The following INTU variants were observed in gnomAD, a reference collection of about 807,000 sequenced individuals.
INTU encodes the protein protein inturned.
A neutral mutation model predicts 100.5 loss-of-function variants in INTU; 68 were observed. The observed-to-expected ratio is 0.68, with a 90% CI of 0.56 to 0.83. INTU has a LOEUF of 0.83. INTU is among the 40% of genes least tolerant of loss of function. INTU has a pLI of 0.00. For missense variants in INTU, 1,071 were observed against 1,114.7 expected, an observed-to-expected ratio of 0.96 and a Z score of 0.56; for synonymous variants, 357 against 395.7, an observed-to-expected ratio of 0.90 and a Z score of 1.16.
In INTU at chr4:127,706,589, A is replaced by G; in HGVS notation, c.1891A>G (p.Thr631Ala). The change falls in exon 12 of 16, where the codon ACT (threonine) becomes GCT (alanine). Residue 631 changes from threonine (T) to alanine (A), a missense_variant. Physicochemically the swap from Thr to Ala is moderately conservative, Grantham distance 58. Coordinates refer to ENST00000335251, the MANE Select transcript of INTU (RefSeq NM_015693.4). ...TGTATATGTGGATCAAGTCAAAACA[A>G]CTCTTCACCAGCTGGATGGAGTAGA... ...DCVYVDQVKTTLHQLDGVDSR... is the reference protein window; with the variant it reads ...DCVYVDQVKTALHQLDGVDSR... 2 of 1,613,834 alleles carry G rather than the reference A, an allele frequency of 1.2e-6. No homozygotes were observed. Among genetic ancestry groups the G allele is most frequent in the Non-Finnish European group, 1.7e-6 (2 of 1,179,940 alleles).
intron 3 of INTU, among the ~76,000 whole-genome samples, chr4:127,659,729 G>T (rs1167603759): frequency 6.6e-6 from 1 of 152,130 alleles, no homozygotes; most frequent in African/African-American, 2.4e-5. Flanking sequence ...CTGGGCCATA[G>T]CTGGCTTTTT....
chr4:127,643,954 T>G lies in INTU; in HGVS notation c.580T>G (p.Trp194Gly), dbSNP rs762071212. 6.2e-7 allele frequency: 1 copy of G among 1,614,148 alleles called. No individual in the cohort carries two copies. The highest frequency in any genetic ancestry group is 1.7e-5 in the Admixed American group (1 of 60,020). Residue 194 changes from tryptophan (W) to glycine (G), a missense_variant, in exon 2 of 16, where the codon TGG becomes GGG. Coordinates refer to ENST00000335251, the MANE Select transcript of INTU (RefSeq NM_015693.4). ...GGTTGGAATTATTCATCAGACCAAGTGGAGCTGGAGAAGAACCGGAAAGCA... is the reference window on the plus strand; with the variant it reads ...GGTTGGAATTATTCATCAGACCAAGGGGAGCTGGAGAAGAACCGGAAAGCA... ...VLVGIIHQTK[W>G]SWRRTGKQGD...
rs1731395538 is a variant in INTU at position 127,724,891 on chromosome 4, T to G, written c.*8455T>G. The G allele has an allele frequency of 6.6e-6, 1 of 152,160 alleles. No individual in the cohort carries two copies. The highest frequency in any genetic ancestry group is 2.1e-4 in the South Asian group (1 of 4,826). The allele number at this position is 152,160 out of a possible 1,614,324, so 9.4% of individuals were successfully genotyped here. A position where few individuals can be genotyped will look rare whatever the true frequency, so the allele number is the denominator to read the frequency against. On this transcript the variant is annotated 3_prime_UTR_variant, in exon 16 of 16. Coordinates refer to ENST00000335251, the MANE Select transcript of INTU (RefSeq NM_015693.4). Reference sequence around the variant, plus strand: ...TTTGAGAGATTTTCACTTAAGCATTTAAGTTGCAAACCACTACATATTTGT... The same window carrying G: ...TTTGAGAGATTTTCACTTAAGCATTGAAGTTGCAAACCACTACATATTTGT...
rs759903570 is a variant in INTU at position 127,718,164 on chromosome 4, G to C, written c.*1728G>C. 6.6e-6 allele frequency: 1 copy of C among 152,060 alleles called. No homozygotes were observed. The highest frequency in any genetic ancestry group is 2.4e-5 in the African/African-American group (1 of 41,418). 9.4% of individuals were successfully genotyped at this position (152,060 alleles called of 1,614,324 possible). A position where few individuals can be genotyped will look rare whatever the true frequency, so the allele number is the denominator to read the frequency against. ...ATTCTATCTTAATTTTTTGTATAAGGTATGAGGAATGGGTCCAGTTTCTAT... is the reference window on the plus strand; with the variant it reads ...ATTCTATCTTAATTTTTTGTATAAGCTATGAGGAATGGGTCCAGTTTCTAT... On this transcript the variant is annotated 3_prime_UTR_variant, in exon 16 of 16. Coordinates refer to ENST00000335251, the MANE Select transcript of INTU (RefSeq NM_015693.4).
intron 2 of INTU, among the ~76,000 whole-genome samples, chr4:127,655,001 C>G (rs939674631): frequency 1.3e-5 from 2 of 151,748 alleles, no homozygotes; most frequent in Non-Finnish European, 2.9e-5. Flanking sequence ...ACCCTTTCTT[C>G]CAGTTGATTG....
chr4:127,640,576 T>C (rs867768188), intron 1 of INTU, among the ~76,000 whole-genome samples: 2 of 59,474 alleles, frequency 3.4e-5, no homozygotes, highest in South Asian at 6.8e-4. Context: ...TATATATATA[T>C]ATATATATAT....
Position 127,705,604 on chromosome 4 carries a change from G to T in INTU, c.1580G>T (p.Cys527Phe), listed in dbSNP as rs1248407789. 6.2e-7 allele frequency: 1 copy of T among 1,613,390 alleles called. No homozygotes were observed. The highest frequency in any genetic ancestry group is 8.5e-7 in the Non-Finnish European group (1 of 1,179,424). Reference protein sequence around the residue: ...SSLFYKGYLICSHLPKDDLID... With the variant: ...SSLFYKGYLIFSHLPKDDLID... ...GTTAAATTCAAGGGTTATTTGATAT[G>T]CAGTCATTTGCCCAAGGATGATCTT... The change falls in exon 11 of 16, where the codon TGC becomes TTC. Residue 527 changes from cysteine to phenylalanine, a missense_variant. By Grantham distance (205) the Cys-to-Phe change is radical. Coordinates refer to ENST00000335251, the MANE Select transcript of INTU (RefSeq NM_015693.4).
At chr4:127,703,748 T>TA (rs2148729227) in intron 9 of INTU, among the ~76,000 whole-genome samples, 2 of 152,296 alleles carry the variant, frequency 1.3e-5, no homozygotes, top group African/African-American at 4.8e-5. Flanking sequence ...ACTTTTTATA[T>TA]AAAAATCATG....
At position 127,717,668 on chromosome 4, in the gene INTU, A is replaced by C. The variant is rs1055141171; in HGVS notation, c.*1232A>C. On this transcript the variant is annotated 3_prime_UTR_variant, in exon 16 of 16. Coordinates refer to ENST00000335251, the MANE Select transcript of INTU (RefSeq NM_015693.4). ...AGCATCTGTTATTTCTTGACTTTTT[A>C]ATAATAGCCACTCTGACTGGTGTGA... 7 of 152,158 alleles carry C rather than the reference A, an allele frequency of 4.6e-5. No individual in the cohort carries two copies. Among genetic ancestry groups the C allele is most frequent in the African/African-American group, 1.4e-4 (6 of 41,442 alleles). The allele number at this position is 152,158 out of a possible 1,614,324, so 9.4% of individuals were successfully genotyped here. A position where few individuals can be genotyped will look rare whatever the true frequency, so the allele number is the denominator to read the frequency against.
intron 6 of INTU, among the ~76,000 whole-genome samples, chr4:127,680,665 G>A (rs1331643879): frequency 2.2e-5 from 3 of 135,486 alleles, no homozygotes; most frequent in African/African-American, 8.4e-5. Context: ...GGCAAAAACT[G>A]GAAGCATTCC....
At chr4:127,682,699 A>G (rs943701012) in intron 6 of INTU, among the ~76,000 whole-genome samples, 7 of 151,920 alleles carry the variant, frequency 4.6e-5, no homozygotes, top group Non-Finnish European at 7.4e-5. Flanking sequence ...TACATATGTA[A>G]CTAACCTGCA....
intron 1 of INTU, among the ~76,000 whole-genome samples, chr4:127,637,477 C>T (rs1330035425): frequency 6.6e-6 from 1 of 152,198 alleles, no homozygotes; most frequent in Non-Finnish European, 1.5e-5. Flanking sequence ...ACACCTACAC[C>T]TTTATGTACT....
intron 12 of INTU, among the ~76,000 whole-genome samples, chr4:127,707,531 T>C (rs1369866515): frequency 1.3e-5 from 2 of 151,932 alleles, no homozygotes; most frequent in Non-Finnish European, 2.9e-5. Context: ...CTATTTGCAA[T>C]GACAACAGAG....
chr4:127,676,662 C>T (rs917052675), intron 6 of INTU, among the ~76,000 whole-genome samples: 13 of 151,794 alleles, frequency 8.6e-5, no homozygotes, highest in African/African-American at 3.1e-4. Flanking sequence ...CAGCTCCCAG[C>T]GTGAGCGATG....
intron 12 of INTU, among the ~76,000 whole-genome samples, chr4:127,707,756 A>G (rs920345592): frequency 2.0e-5 from 3 of 152,168 alleles, no homozygotes; most frequent in African/African-American, 7.2e-5. Flanking sequence ...GAGGATGTTC[A>G]TTTTTCAGAT....
chr4:127,648,266 A>T (rs1469989533), intron 2 of INTU, among the ~76,000 whole-genome samples: 1 of 152,194 alleles, frequency 6.6e-6, no homozygotes, highest in East Asian at 1.9e-4. Flanking sequence ...ATGTCCGGGA[A>T]GCCAGCCATC....
chr4:127,687,512 C>T (rs1729878236), intron 7 of INTU, 166 bp from the exon 8 acceptor site: 6 of 523,972 alleles, frequency 1.1e-5, no homozygotes, highest in Admixed American at 6.7e-5. Context: ...GGGTAAATTT[C>T]TTTACACAAT....
chr4:127,715,117 AG>A (rs1213343918), intron 15 of INTU, among the ~76,000 whole-genome samples: 1 of 152,114 alleles, frequency 6.6e-6, no homozygotes, highest in African/African-American at 2.4e-5. Context: ...AATTCTGAGG[AG>A]GGGGCAAAAT....
rs190177660 is a variant in INTU at position 127,695,049 on chromosome 4, T to C, written c.1450-4961T>C. ...TGTTGGAATTTTGATTGGGATTGCA[T>C]TGAATATATAGATCAAGTTATGAAG... On this transcript the variant is annotated intron_variant, in intron 8 of 15. Transcript: ENST00000335251. Among the ~76,000 whole-genome samples, 514 of 152,290 alleles carry C rather than the reference T, an allele frequency of 3.4e-3. 3 individuals are homozygous for C. Among genetic ancestry groups the C allele is most frequent in the African/African-American group, 0.012 (484 of 41,558 alleles).
Sources: allele counts gnomAD v4.1 joint callset (sites outside exome capture counted in the v4.1 genomes callset), GRCh38; gene constraint gnomAD v4.1.1; transcripts MANE v1.5; gene names NCBI Gene and HGNC (gene_info 2026-07-23, HGNC 2026-07-21).